The following LAMC3 variants were observed in gnomAD, a reference collection of about 807,000 sequenced individuals.
LAMC3 encodes laminin subunit gamma-3.
Under a neutral mutation model 173.8 loss-of-function variants are expected in LAMC3, and 128 were observed. The observed-to-expected ratio is 0.74, with a 90% confidence interval of 0.64 to 0.85. The LOEUF (loss-of-function observed/expected upper bound fraction) is 0.85, where lower values mean the gene tolerates loss of function less well. Among genes scored for constraint, LAMC3 ranks in the 40% least tolerant of loss-of-function variants. The probability of loss-of-function intolerance (pLI) is 0.00; values close to 1 mark genes in which losing one functional copy is unlikely to be tolerated. For synonymous variants in LAMC3, 897 were observed against 909.1 expected (o/e 0.99, Z 0.24); for missense variants, 2,022 against 2,156.0 (o/e 0.94, Z 1.23).
rs1475740652 is a variant in LAMC3, at chr9:131,067,117, G to C, written c.2505G>C (p.Leu835=). The change falls in exon 14 of 28, where the codon CTG becomes CTC. Residue 835 remains leucine, a synonymous_variant. Transcript: ENST00000361069. The part of the protein sequence containing the change: ...DPLSGHCLRC[L]HNTTGDHCEH... ...TGTCTGGCCACTGCCTGCGCTGCCT[G>C]CACAACACCACGGGTGACCACTGTG... 6.2e-7 allele frequency: 1 copy of C among 1,614,184 alleles called. No individual in the cohort carries two copies. The highest frequency in any genetic ancestry group is 1.7e-5 in the Admixed American group (1 of 60,032).
At chr9:131,067,676 G>A (rs1259210902) in intron 14 of LAMC3, among the ~76,000 whole-genome samples, 1 of 152,198 alleles carries the variant, frequency 6.6e-6, no homozygotes, top group Non-Finnish European at 1.5e-5. Context: ...CTCTCGCTTT[G>A]TGGAACCCCT....
rs1248885734 is a variant in LAMC3, at chr9:131,071,608, G to T, written c.3194G>T (p.Gly1065Val). Reference protein sequence around the residue: ...GEAPRGDVYQGHHLLPGAREA... With the variant: ...GEAPRGDVYQVHHLLPGAREA... The stretch of plus-strand genomic sequence containing the variant: ...GCCCCAAGGGGGGACGTCTACCAGG[G>T]CCATCACCTGCTTCCAGGTACAGCA... The change falls in exon 18 of 28, where the codon GGC becomes GTC. Residue 1065 changes from glycine to valine, a missense_variant. Transcript: ENST00000361069. 3 of 1,591,548 alleles carry T rather than the reference G, an allele frequency of 1.9e-6. No homozygotes were observed. The highest frequency in any genetic ancestry group is 2.6e-6 in the Non-Finnish European group (3 of 1,165,896).
At chr9:131,048,311 C>T (rs1834214901) in intron 8 of LAMC3, among the ~76,000 whole-genome samples, 3 of 152,178 alleles carry the variant, frequency 2.0e-5, no homozygotes, top group Admixed American at 2.0e-4. Context: ...CCCACCTCGG[C>T]CTCTCAGAGT....
chr9:131,048,622 T>C (rs1403220842), intron 8 of LAMC3, among the ~76,000 whole-genome samples: 2 of 152,130 alleles, frequency 1.3e-5, no homozygotes, highest in Non-Finnish European at 2.9e-5. Context: ...TGGGCTCCCG[T>C]CGTGGCTGGG....
intron 24 of LAMC3, among the ~76,000 whole-genome samples, chr9:131,082,634 T>C (rs189453661): frequency 1.1e-3 from 162 of 152,328 alleles, no homozygotes; most frequent in African/African-American, 3.8e-3. Context: ...GAATTGCTAT[T>C]CATCCCTGGG....
At position 131,071,588 on chromosome 9, in the gene LAMC3, A is replaced by G; in HGVS notation, c.3174A>G (p.Pro1058=). 1 of 1,605,448 alleles carries G rather than the reference A, an allele frequency of 6.2e-7. No individual in the cohort carries two copies. Among genetic ancestry groups the G allele is most frequent in the Non-Finnish European group, 8.5e-7 (1 of 1,174,284 alleles). The part of the protein sequence containing the change: ...GPLDILLGEA[P]RGDVYQGHHL... ...TAGACATTCTGCTGGGAGAGGCCCCAAGGGGGGACGTCTACCAGGGCCATC... is the reference window on the plus strand; with the variant it reads ...TAGACATTCTGCTGGGAGAGGCCCCGAGGGGGGACGTCTACCAGGGCCATC... Residue 1058 remains proline (P), a synonymous_variant, in exon 18 of 28, where the codon CCA becomes CCG. Coordinates refer to ENST00000361069, the MANE Select transcript of LAMC3 (RefSeq NM_006059.4).
At chr9:131,025,344 C>G (rs1343568880) in intron 1 of LAMC3, among the ~76,000 whole-genome samples, 1 of 152,186 alleles carries the variant, frequency 6.6e-6, no homozygotes, top group Non-Finnish European at 1.5e-5. Flanking sequence ...CCTCCCTACC[C>G]CAGCCTCCCA....
chr9:131,018,488 C>A (rs769985458), intron 1 of LAMC3, among the ~76,000 whole-genome samples: 5 of 152,058 alleles, frequency 3.3e-5, no homozygotes, highest in Non-Finnish European at 5.9e-5. Context: ...CTAGCCCAGA[C>A]CCTCACAAGC....
Position 131,075,764 on chromosome 9 carries a change from G to A in LAMC3, c.3495-67G>A, listed in dbSNP as rs182485399. 2.1e-4 allele frequency: 328 copies of A among 1,537,808 alleles called. No homozygotes were observed. In the African/African-American group the frequency reaches 3.7e-3, roughly 17 times the overall value. ...GCAGGAGGCCTGTGTAGTAGGGGGC[G>A]TAGTTCTGATCCTGGGCCCCTTCCC... On this transcript the variant is annotated intron_variant, in intron 20 of 27. Coordinates refer to ENST00000361069, the MANE Select transcript of LAMC3 (RefSeq NM_006059.4).
intron 13 of LAMC3, among the ~76,000 whole-genome samples, chr9:131,065,814 GTGA>G (rs754462847): frequency 4.1e-4 from 63 of 152,184 alleles, no homozygotes; most frequent in Middle Eastern, 3.4e-3. Flanking sequence ...GGTGATGAAG[GTGA>G]TGATGATGAG....
intron 12 of LAMC3, among the ~76,000 whole-genome samples, chr9:131,059,308 C>T (rs557506801): frequency 3.5e-4 from 53 of 151,040 alleles, no homozygotes; most frequent in African/African-American, 1.1e-3. Flanking sequence ...CTGGCTAACA[C>T]GGTGAAACCC....
rs1414681787 is a variant in LAMC3, at chr9:131,073,236, T to C, written c.3418-9T>C. The C allele has an allele frequency of 6.2e-7, 1 of 1,609,634 alleles. No individual in the cohort carries two copies. Among genetic ancestry groups the C allele is most frequent in the Non-Finnish European group, 8.5e-7 (1 of 1,177,450 alleles). ...CATCAGTTTCCTCCTCTTCCTCTTC[T>C]TTCTACAGGAGATTCCTCAGGAAGG... On this transcript the variant is annotated splice_polypyrimidine_tract_variant and intron_variant, in intron 19 of 27. Transcript: ENST00000361069.
In LAMC3 at chr9:131,009,247, G is replaced by T. The variant is rs1418855764; in HGVS notation, c.33G>T (p.Ala11=). 7.8e-7 allele frequency: 1 copy of T among 1,284,938 alleles called. No homozygotes were observed. Among genetic ancestry groups the T allele is most frequent in the South Asian group, 2.4e-5 (1 of 41,410 alleles). The allele number at this position is 1,284,938 out of a possible 1,614,324, so 79.6% of individuals were successfully genotyped here. The change falls in exon 1 of 28, where the codon GCG becomes GCT. Residue 11 remains alanine (A), a synonymous_variant. Transcript: ENST00000361069. The surrounding 1 kb of genome is among the most constrained non-coding windows in gnomAD (Gnocchi z 4.3). Reference sequence around the variant, plus strand: ...CGGCTGCGCTTCTGCTGGGGCTGGCGCTGCTGGCACCGCGGGCGGCCGGCG... The same window carrying T: ...CGGCTGCGCTTCTGCTGGGGCTGGCTCTGCTGGCACCGCGGGCGGCCGGCG... MAAAALLLGL[A]LLAPRAAGAG...
chr9:131,064,939 G>A (rs1249332460), intron 13 of LAMC3, among the ~76,000 whole-genome samples: 1 of 150,456 alleles, frequency 6.6e-6, no homozygotes, highest in Non-Finnish European at 1.5e-5. Flanking sequence ...TACTCGCGAG[G>A]CTGAAACAGG....
chr9:131,011,814 G>A (rs1833419069), intron 1 of LAMC3, among the ~76,000 whole-genome samples: 1 of 152,086 alleles, frequency 6.6e-6, no homozygotes, highest in Admixed American at 6.5e-5. Flanking sequence ...GGGAACCCAG[G>A]GGCCAAGGAA....
chr9:131,032,520 T>C (rs967220297), intron 3 of LAMC3, among the ~76,000 whole-genome samples: 4 of 144,402 alleles, frequency 2.8e-5, no homozygotes, highest in Admixed American at 6.8e-5. Flanking sequence ...CTCTCTCTCT[T>C]GCTCTCTCTC....
Position 131,040,251 on chromosome 9 carries a change from C to G in LAMC3, c.1283+1003C>G, listed in dbSNP as rs148864508. Among the ~76,000 whole-genome samples the G allele has an allele frequency of 1.0e-3, 153 of 152,048 alleles. 1 individual carries two copies. The Middle Eastern group carries it at 0.01, about 10-fold the overall frequency. On this transcript the variant is annotated intron_variant, in intron 6 of 27. Transcript: ENST00000361069. ...GAAGTGCAGTGGCGCGATCTCTACT[C>G]ACTACAACCTCCGCCTCCCAGACTC...
At chr9:131,091,251 C>T (rs1830419192) in intron 27 of LAMC3, among the ~76,000 whole-genome samples, 1 of 152,232 alleles carries the variant, frequency 6.6e-6, no homozygotes, top group African/African-American at 2.4e-5. Context: ...TCAGAGAGGA[C>T]TCACCTGAGG....
At chr9:131,081,461 C>T (rs1353796639) in intron 23 of LAMC3, among the ~76,000 whole-genome samples, 2 of 144,314 alleles carry the variant, frequency 1.4e-5, no homozygotes, top group African/African-American at 2.5e-5. Flanking sequence ...CTCCCTCCCT[C>T]CCTTCCTTCC....
Sources: gnomAD v4.1 joint callset for allele counts (sites outside exome capture counted in the v4.1 genomes callset) on GRCh38, gnomAD v4.1.1 for gene constraint, Gnocchi (gnomAD v3.1) non-coding constraint, MANE v1.5 for transcripts, NCBI Gene and HGNC (gene_info 2026-07-23, HGNC 2026-07-21) for gene names.